The following ARFGEF2 variants were observed in gnomAD, a reference collection of about 807,000 sequenced individuals.
ARFGEF2 encodes ARF guanine nucleotide exchange factor 2, also known as brefeldin A-inhibited guanine nucleotide-exchange protein 2.
A neutral mutation model predicts 219.9 loss-of-function variants in ARFGEF2; 74 were observed. That is an observed-to-expected ratio of 0.34 (90% confidence interval 0.28 to 0.41). The LOEUF (loss-of-function observed/expected upper bound fraction) is 0.41, where lower values mean the gene tolerates loss of function less well. Among genes scored for constraint, ARFGEF2 ranks in the 10% least tolerant of loss-of-function variants. The pLI is 1.00. For missense variants in ARFGEF2, 1,743 were observed against 2,218.3 expected, an observed-to-expected ratio of 0.79 and a Z score of 4.30; for synonymous variants, 733 against 799.2, an observed-to-expected ratio of 0.92 and a Z score of 1.40.
chr20:49,018,141 C>T (rs773518198), intron 33 of ARFGEF2, among the ~76,000 whole-genome samples: 15 of 152,204 alleles, frequency 9.9e-5, no homozygotes, highest in Admixed American at 3.3e-4. Flanking sequence ...GTTGAATTAA[C>T]TTTTATTCCT....
chr20:48,969,839 A>G (rs1178550483), intron 9 of ARFGEF2, among the ~76,000 whole-genome samples: 1 of 152,264 alleles, frequency 6.6e-6, no homozygotes. Context: ...ATGACTTGCC[A>G]AGCCTCATCT....
chr20:48,949,731 C>T (rs773306262), intron 3 of ARFGEF2, among the ~76,000 whole-genome samples: 1 of 152,094 alleles, frequency 6.6e-6, no homozygotes, highest in Non-Finnish European at 1.5e-5. Flanking sequence ...GTCTTCCTCC[C>T]ACAGTGGTGG....
intron 1 of ARFGEF2, among the ~76,000 whole-genome samples, chr20:48,934,561 G>T (rs1353482229): frequency 6.6e-6 from 1 of 152,066 alleles, no homozygotes; most frequent in Admixed American, 6.5e-5. Context: ...GTGTCCATGT[G>T]TTCTCATTGT....
At chr20:48,928,229 C>T (rs1483176022) in intron 1 of ARFGEF2, among the ~76,000 whole-genome samples, 2 of 129,398 alleles carry the variant, frequency 1.5e-5, no homozygotes, top group Non-Finnish European at 3.1e-5. Flanking sequence ...GACGGAGTCT[C>T]GCTCTGTCGC....
At chr20:48,951,790 T>C (rs2091072564) in intron 4 of ARFGEF2, among the ~76,000 whole-genome samples, 1 of 152,246 alleles carries the variant, frequency 6.6e-6, no homozygotes, top group Non-Finnish European at 1.5e-5. Flanking sequence ...TTTGTTGATA[T>C]TCTTATCTCT....
chr20:48,927,172 G>A (rs1275768156), intron 1 of ARFGEF2, among the ~76,000 whole-genome samples: 1 of 152,160 alleles, frequency 6.6e-6, no homozygotes, highest in Non-Finnish European at 1.5e-5. Context: ...ATATTGTTAA[G>A]GGATCCAGTT....
chr20:49,035,927 T>C lies in ARFGEF2; in HGVS notation c.*2728T>C. On this transcript the variant is annotated 3_prime_UTR_variant, in exon 39 of 39. Coordinates refer to ENST00000371917, the MANE Select transcript of ARFGEF2 (RefSeq NM_006420.3). ...ATGTACAACCAAAGAACATACATTA[T>C]GAAAATTGTATTATAATATCTGGAA... The C allele has an allele frequency of 2.7e-6, 1 of 370,642 alleles. No homozygotes were observed. The highest frequency in any genetic ancestry group is 3.8e-5 in the East Asian group (1 of 26,006). 23.0% of individuals were successfully genotyped at this position (370,642 alleles called of 1,614,324 possible).
At chr20:48,950,834 ATATATATATATATG>A (rs1568699483) in intron 3 of ARFGEF2, among the ~76,000 whole-genome samples, 4 of 133,854 alleles carry the variant, frequency 3.0e-5, no homozygotes, top group Non-Finnish European at 6.3e-5. Flanking sequence ...ATATATATAT[ATATATATATATATG>A]TATGTATATA....
Position 49,013,628 on chromosome 20 carries a change from G to C in ARFGEF2, c.3983G>C (p.Gly1328Ala), listed in dbSNP as rs779719987. The change falls in exon 29 of 39, where the codon GGC becomes GCC. Residue 1328 changes from glycine to alanine, a missense_variant. Physicochemically the swap from Gly to Ala is moderately conservative, Grantham distance 60. This residue lies in a region of ARFGEF2 where 578 missense variants were observed against 664.0 expected (regional missense o/e 0.87). Transcript: ENST00000371917. ...VAPGDRVWVR[G>A]WFPILFELSC... is the part of the protein sequence containing the mutation. ...CCTGGTGACAGAGTCTGGGTCCGAG[G>C]CTGGTTCCCCATCTTATTCGAACTC... 1 of 1,614,138 alleles carries C rather than the reference G, an allele frequency of 6.2e-7. No homozygotes were observed. The highest frequency in any genetic ancestry group is 1.7e-5 in the Admixed American group (1 of 60,016).
At chr20:48,951,694 A>G (rs1159491252) in intron 4 of ARFGEF2, among the ~76,000 whole-genome samples, 2 of 152,226 alleles carry the variant, frequency 1.3e-5, no homozygotes, top group Admixed American at 6.5e-5. Flanking sequence ...TGTTCAGCTA[A>G]TAACAATGTA....
intron 3 of ARFGEF2, among the ~76,000 whole-genome samples, chr20:48,949,199 G>T (rs2123340833): frequency 6.6e-6 from 1 of 152,254 alleles, no homozygotes; most frequent in East Asian, 1.9e-4. Flanking sequence ...GAGAGGGGAG[G>T]ATACTTTCTG....
In ARFGEF2 at chr20:48,997,299, G is replaced by A. The variant is rs62210366; in HGVS notation, c.3222-894G>A. On this transcript the variant is annotated intron_variant, in intron 23 of 38. Coordinates refer to ENST00000371917, the MANE Select transcript of ARFGEF2 (RefSeq NM_006420.3). Reference sequence around the variant, plus strand: ...ATTGATTGATTGATTGATTGAGACAGTCTCGCTCTATCACCCAGTCTGGAG... The same window carrying A: ...ATTGATTGATTGATTGATTGAGACAATCTCGCTCTATCACCCAGTCTGGAG... 9.0e-3 allele frequency among the ~76,000 whole-genome samples: 1,279 copies of A among 141,682 alleles called. 12 individuals carry two copies. Among genetic ancestry groups the A allele is most frequent in the Admixed American group, 0.013 (185 of 14,272 alleles). The allele number at this position is 141,682 out of a possible 152,430, so 92.9% of individuals were successfully genotyped here. A position where few individuals can be genotyped will look rare whatever the true frequency, so the allele number is the denominator to read the frequency against.
At chr20:49,015,470 C>T (rs1568739085) in intron 30 of ARFGEF2, among the ~76,000 whole-genome samples, 1 of 152,170 alleles carries the variant, frequency 6.6e-6, no homozygotes, top group Non-Finnish European at 1.5e-5. Flanking sequence ...TGTGGATGTT[C>T]CACAGCTTAT....
At chr20:48,951,191 C>T (rs1600602819) in intron 3 of ARFGEF2, 132 bp from the exon 4 acceptor site, 3 of 1,111,554 alleles carry the variant, frequency 2.7e-6, no homozygotes, top group Non-Finnish European at 4.0e-6. Context: ...GTGGTTATGC[C>T]TGCCTGGCTC....
chr20:48,942,848 A>C (rs758170423), intron 3 of ARFGEF2, among the ~76,000 whole-genome samples: 9 of 152,124 alleles, frequency 5.9e-5, no homozygotes, highest in South Asian at 2.1e-4. Context: ...TCCTGGAGGA[A>C]CTACAGGGTT....
At chr20:48,996,680 G>A (rs2091390810) in intron 23 of ARFGEF2, among the ~76,000 whole-genome samples, 1 of 151,140 alleles carries the variant, frequency 6.6e-6, no homozygotes, top group Non-Finnish European at 1.5e-5. Flanking sequence ...GGAGGCAGAG[G>A]TTGTAGTGGG....
At chr20:48,969,406 G>A (rs989122909) in intron 9 of ARFGEF2, 129 bp downstream of exon 9, 5 of 1,559,712 alleles carry the variant, frequency 3.2e-6, no homozygotes, top group East Asian at 2.3e-5. Flanking sequence ...GTGCAGGAAC[G>A]GTTTTACAAC....
rs2091321387 is a variant in ARFGEF2, at chr20:48,985,428, G to A, written c.2091G>A (p.Leu697=). 1 of 1,614,150 alleles carries A rather than the reference G, an allele frequency of 6.2e-7. No individual in the cohort carries two copies. The highest frequency in any genetic ancestry group is 8.5e-7 in the Non-Finnish European group (1 of 1,180,032). ...RLDSTQVGDF[L]GDSARFNKEV... Reference sequence around the variant, plus strand: ...TTCAGACCCAAGTAGGCGATTTTCTGGGAGATAGCGCAAGGTTCAACAAGG... The same window carrying A: ...TTCAGACCCAAGTAGGCGATTTTCTAGGAGATAGCGCAAGGTTCAACAAGG... Residue 697 remains leucine (L), a synonymous_variant, in exon 16 of 39, where the codon CTG becomes CTA. Coordinates refer to ENST00000371917, the MANE Select transcript of ARFGEF2 (RefSeq NM_006420.3).
At chr20:48,987,495 A>G (rs568758447) in intron 16 of ARFGEF2, among the ~76,000 whole-genome samples, 1 of 152,362 alleles carries the variant, frequency 6.6e-6, no homozygotes, top group East Asian at 1.9e-4. Flanking sequence ...TATAATGGGT[A>G]ATATAGACTA....
Sources: allele counts gnomAD v4.1 joint callset (sites outside exome capture counted in the v4.1 genomes callset), GRCh38; gene constraint gnomAD v4.1.1; regional missense constraint gnomAD v4.1.1; transcripts MANE v1.5; gene names NCBI Gene and HGNC (gene_info 2026-07-23, HGNC 2026-07-21).